The following ABCC12 variants were observed in gnomAD, a reference collection of about 807,000 sequenced individuals.
The protein encoded by ABCC12 is ATP-binding cassette sub-family C member 12.
A neutral mutation model predicts 151.1 loss-of-function variants in ABCC12; 142 were observed. That is an observed-to-expected ratio of 0.94 (90% CI 0.82 to 1.08). The LOEUF is 1.08. ABCC12 is among the 50% of genes least tolerant of loss of function. The pLI is 0.00. For missense variants in ABCC12, 1,638 were observed against 1,691.1 expected, an observed-to-expected ratio of 0.97 and a Z score of 0.55; for synonymous variants, 645 against 646.4, an observed-to-expected ratio of 1.00 and a Z score of 0.03.
chr16:48,148,336 A>C (rs139536139), intron 2 of ABCC12, among the ~76,000 whole-genome samples: 22 of 152,128 alleles, frequency 1.4e-4, no homozygotes, highest in African/African-American at 5.3e-4. Flanking sequence ...TCCTGGGCTC[A>C]AGTGATCCTC....
chr16:48,154,201 G>C (rs1596634508), intron 1 of ABCC12, among the ~76,000 whole-genome samples: 1 of 152,184 alleles, frequency 6.6e-6, no homozygotes, highest in Admixed American at 6.5e-5. Flanking sequence ...CAGGCAGGGG[G>C]TTCCTAACCT....
In ABCC12 at chr16:48,144,585, T is replaced by C. The variant is rs1467583598; in HGVS notation, c.120-520A>G. On this transcript the variant is annotated intron_variant, in intron 3 of 30. Coordinates refer to ENST00000311303, the MANE Select transcript of ABCC12 (RefSeq NM_001393797.1). ...CCTCTGGGTGGAAAACTGGACACTT[T>C]CTAGAAGGACCTAGTAGGATCCAGG... Among the ~76,000 whole-genome samples the C allele has an allele frequency of 3.9e-5, 6 of 152,158 alleles. No individual in the cohort carries two copies. In the East Asian group the frequency reaches 7.7e-4, roughly 20 times the overall value.
chr16:48,140,474 C>T (rs561387037), intron 6 of ABCC12, among the ~76,000 whole-genome samples: 18 of 152,232 alleles, frequency 1.2e-4, no homozygotes, highest in African/African-American at 4.1e-4. Context: ...GGAAGTCTCT[C>T]CAAATTCTCC....
intron 2 of ABCC12, among the ~76,000 whole-genome samples, chr16:48,148,448 G>A (rs1395904467): frequency 6.6e-6 from 1 of 151,910 alleles, no homozygotes; most frequent in African/African-American, 2.4e-5. Flanking sequence ...TGTTGCCCAG[G>A]CTGGTCTCAA....
chr16:48,105,180 G>A lies in ABCC12; in HGVS notation c.2632C>T (p.Leu878=). 6.2e-7 allele frequency: 1 copy of A among 1,614,198 alleles called. No homozygotes were observed. The highest frequency in any genetic ancestry group is 8.5e-7 in the Non-Finnish European group (1 of 1,180,042). ...TKGFVFTKTT[L]MASSSLHDTV... ...TCATGCAGAGAGGAGGATGCCATCA[G>A]TGTGGTCTTGGTGAAGACGAAGCCT... The change falls in exon 21 of 31, where the codon CTG becomes TTG. Residue 878 remains leucine (L), a synonymous_variant. Transcript: ENST00000311303.
intron 11 of ABCC12, among the ~76,000 whole-genome samples, chr16:48,125,511 G>T (rs991037163): frequency 5.3e-5 from 8 of 152,212 alleles, no homozygotes; most frequent in African/African-American, 1.9e-4. Context: ...TGACATTTGG[G>T]TAAGACGTGA....
At chr16:48,109,467 G>C (rs1185743419) in intron 18 of ABCC12, among the ~76,000 whole-genome samples, 20 of 152,200 alleles carry the variant, frequency 1.3e-4, no homozygotes, top group Non-Finnish European at 5.9e-5. Flanking sequence ...ATGCGAAAAT[G>C]TCGACTCCAA....
At position 48,096,904 on chromosome 16, in the gene ABCC12, T is replaced by C. The variant is rs187842439; in HGVS notation, c.3039-2A>G. On this transcript the variant is annotated splice_acceptor_variant, in intron 23 of 30. Transcript: ENST00000311303. LOFTEE classifies it high-confidence loss of function. ...GCACAGTTAAAGTAGAGGAGGTGAC[T>C]GGAGTTTTCGTCGTTTAGCGTCTTA... The C allele has an allele frequency of 1.7e-5, 27 of 1,614,140 alleles. No homozygotes were observed. Among genetic ancestry groups the C allele is most frequent in the South Asian group, 1.1e-5 (1 of 91,072 alleles).
At position 48,101,052 on chromosome 16, in the gene ABCC12, G is replaced by A. The variant is rs745357141; in HGVS notation, c.2901-43C>T. ...GGGGCCAGGTGGGCCACAAAGTGAG[G>A]TCTCATCAGGCTTGCCCTCACACAT... On this transcript the variant is annotated intron_variant, in intron 22 of 30. Coordinates refer to ENST00000311303, the MANE Select transcript of ABCC12 (RefSeq NM_001393797.1). 8 of 1,603,710 alleles carry A rather than the reference G, an allele frequency of 5.0e-6. No homozygotes were observed. In the South Asian group the frequency reaches 9.0e-5, roughly 18 times the overall value.
chr16:48,133,330 T>C (rs1964493703), intron 9 of ABCC12, among the ~76,000 whole-genome samples: 1 of 152,050 alleles, frequency 6.6e-6, no homozygotes, highest in Non-Finnish European at 1.5e-5. Flanking sequence ...AAGACCAGCC[T>C]GGCCAACATG....
At chr16:48,085,747 A>G in intron 28 of ABCC12, 41 bp from the exon 29 acceptor site, 1 of 1,523,470 alleles carries the variant, frequency 6.6e-7, no homozygotes, top group Non-Finnish European at 9.1e-7. Flanking sequence ...CTGATGATCT[A>G]TAAAATTGTC....
chr16:48,125,713 G>A (rs1373566417), intron 11 of ABCC12, among the ~76,000 whole-genome samples: 1 of 152,158 alleles, frequency 6.6e-6, no homozygotes, highest in Non-Finnish European at 1.5e-5. Flanking sequence ...GCCCAACATG[G>A]GGCCAAATAT....
intron 1 of ABCC12, among the ~76,000 whole-genome samples, chr16:48,155,582 G>A (rs1488550122): frequency 2.0e-5 from 3 of 152,214 alleles, no homozygotes; most frequent in South Asian, 2.1e-4. Flanking sequence ...TTTTGAAATC[G>A]CGTCTTGGCA....
intron 8 of ABCC12, among the ~76,000 whole-genome samples, chr16:48,137,561 G>A (rs915384941): frequency 6.6e-6 from 1 of 152,108 alleles, no homozygotes; most frequent in East Asian, 1.9e-4. Context: ...ACTCCCTAGA[G>A]GGCAGATACA....
chr16:48,150,945 CT>C (rs1165764294), intron 2 of ABCC12, among the ~76,000 whole-genome samples: 30 of 152,172 alleles, frequency 2.0e-4, no homozygotes, highest in Non-Finnish European at 2.9e-5. Context: ...ACTGAGAAGC[CT>C]GGCTCTCACC....
intron 24 of ABCC12, among the ~76,000 whole-genome samples, chr16:48,093,113 C>T (rs1187958003): frequency 6.6e-6 from 1 of 152,100 alleles, no homozygotes; most frequent in Non-Finnish European, 1.5e-5. Context: ...GTAATACCAG[C>T]GTCTCATGAG....
Position 48,086,574 on chromosome 16 carries a change from T to C in ABCC12, c.3714+167A>G, listed in dbSNP as rs557917233. ...CATTGTAGAGCCCTATTGTTGCTTT[T>C]AATAGGAAAGAATAACTAAGGATTA... On this transcript the variant is annotated intron_variant, in intron 28 of 30. Transcript: ENST00000311303. The C allele has an allele frequency of 3.5e-5, 22 of 625,170 alleles. No individual in the cohort carries two copies. In the African/African-American group the frequency reaches 3.6e-4, roughly 10 times the overall value. The allele number at this position is 625,170 out of a possible 1,614,324, so 38.7% of individuals were successfully genotyped here.
intron 4 of ABCC12, among the ~76,000 whole-genome samples, chr16:48,142,006 G>A (rs1439396667): frequency 6.6e-6 from 1 of 152,194 alleles, no homozygotes; most frequent in African/African-American, 2.4e-5. Context: ...GGTGAGAGGT[G>A]GCAGTGGAAT....
Position 48,105,130 on chromosome 16 carries a change from T to C in ABCC12, c.2673+9A>G, listed in dbSNP as rs781046778. ...TAACTGGGTACACCTGCAATGCTTG[T>C]GGCCCTACCTTATCAAACACCGTGT... is the stretch of plus-strand genomic sequence containing the variant. On this transcript the variant is annotated intron_variant, in intron 21 of 30. Coordinates refer to ENST00000311303, the MANE Select transcript of ABCC12 (RefSeq NM_001393797.1). 1 of 1,614,110 alleles carries C rather than the reference T, an allele frequency of 6.2e-7. No individual in the cohort carries two copies.
Sources: gnomAD v4.1 joint callset for allele counts (sites outside exome capture counted in the v4.1 genomes callset) on GRCh38, gnomAD v4.1.1 for gene constraint, MANE v1.5 for transcripts, NCBI Gene and HGNC (gene_info 2026-07-23, HGNC 2026-07-21) for gene names.